The following DEPTOR variants were observed in gnomAD, a reference collection of about 807,000 sequenced individuals.
The protein encoded by DEPTOR is DEP domain containing MTOR interacting protein.
In DEPTOR, 41 loss-of-function variants were observed where a neutral mutation model predicts 41.6. That is an observed-to-expected ratio of 0.98 (90% confidence interval 0.77 to 1.28). The LOEUF (loss-of-function observed/expected upper bound fraction) is 1.28. Ranked by LOEUF, DEPTOR falls within the 50% of genes most tolerant of loss-of-function variation. The probability of loss-of-function intolerance (pLI) is 0.00; values close to 1 mark genes in which losing one functional copy is unlikely to be tolerated. For synonymous variants in DEPTOR, 195 were observed against 192.3 expected (o/e 1.01, Z -0.12); for missense variants, 514 against 527.9 (o/e 0.97, Z 0.26).
At chr8:119,928,692 C>T in intron 2 of DEPTOR, 114 bp downstream of exon 2, 6 of 1,124,716 alleles carry the variant, frequency 5.3e-6, no homozygotes, top group Non-Finnish European at 6.0e-6. Flanking sequence ...TCCAGTGTAC[C>T]TCTCCCTGAT....
Position 119,937,139 on chromosome 8 carries a change from C to T in DEPTOR, c.425+7201C>T, listed in dbSNP as rs1013826572. Among the ~76,000 whole-genome samples the T allele has an allele frequency of 4.6e-5, 7 of 152,200 alleles. No individual in the cohort carries two copies. In the East Asian group the frequency reaches 5.8e-4, roughly 13 times the overall value. On this transcript the variant is annotated intron_variant, in intron 3 of 8. Transcript: ENST00000286234. Reference sequence around the variant, plus strand: ...TAAAAATATTTTCTGGCCGGGCTCACGCCTATAATCCCAGCACTTTGGGAG... The same window carrying T: ...TAAAAATATTTTCTGGCCGGGCTCATGCCTATAATCCCAGCACTTTGGGAG...
chr8:120,019,217 ATCAC>A (rs1812658664), intron 8 of DEPTOR, among the ~76,000 whole-genome samples: 2 of 152,180 alleles, frequency 1.3e-5, no homozygotes, highest in Non-Finnish European at 2.9e-5. Flanking sequence ...AGGCAAGAGA[ATCAC>A]TTGAACCCAG....
intron 3 of DEPTOR, among the ~76,000 whole-genome samples, chr8:119,935,960 T>C (rs963254386): frequency 3.3e-5 from 5 of 150,408 alleles, no homozygotes; most frequent in African/African-American, 9.7e-5. Context: ...TGGAACTAAA[T>C]CCCCTCTTAA....
chr8:119,979,598 TCTC>T (rs1304031391), intron 4 of DEPTOR, among the ~76,000 whole-genome samples: 1 of 152,024 alleles, frequency 6.6e-6, no homozygotes, highest in East Asian at 1.9e-4. Context: ...TTTACTTTTT[TCTC>T]CTCTGAGTGA....
At chr8:119,905,228 C>T (rs1006338804) in intron 1 of DEPTOR, among the ~76,000 whole-genome samples, 4 of 152,124 alleles carry the variant, frequency 2.6e-5, no homozygotes, top group African/African-American at 9.7e-5. Context: ...CATGAGATTC[C>T]AGACAGCTAC....
intron 1 of DEPTOR, among the ~76,000 whole-genome samples, chr8:119,888,898 C>G (rs970011053): frequency 1.4e-5 from 2 of 141,264 alleles, no homozygotes; most frequent in Non-Finnish European, 1.5e-5. Flanking sequence ...TTTGTCTGTT[C>G]ATTTGTATTT....
At position 120,002,978 on chromosome 8, in the gene DEPTOR, G is replaced by C. The variant is rs1183939287; in HGVS notation, c.792G>C (p.Val264=). The change falls in exon 6 of 9, where the codon GTG becomes GTC. Residue 264 remains valine, a splice_region_variant and synonymous_variant. Transcript: ENST00000286234. ...GTGTGTGTTCTCTGGCCTACACAGT[G>C]AGCCCCAGCAAGGAGATCAAGATCG... ...DNRKSTSFMS[V]SPSKEIKIVS... 6.4e-7 allele frequency: 1 copy of C among 1,561,966 alleles called. No homozygotes were observed. The highest frequency in any genetic ancestry group is 1.2e-5 in the South Asian group (1 of 85,180).
chr8:120,044,542 T>A (rs1167823350), intron 8 of DEPTOR, among the ~76,000 whole-genome samples: 2 of 151,998 alleles, frequency 1.3e-5, no homozygotes, highest in Non-Finnish European at 2.9e-5. Context: ...GGAGACAGAG[T>A]CTGACTGGCC....
intron 3 of DEPTOR, among the ~76,000 whole-genome samples, chr8:119,948,753 T>A (rs1422495458): frequency 6.6e-6 from 1 of 152,016 alleles, no homozygotes; most frequent in Non-Finnish European, 1.5e-5. Context: ...CTACTTTCTG[T>A]CTCTATACAT....
intron 4 of DEPTOR, among the ~76,000 whole-genome samples, chr8:119,988,963 T>TC (rs1413843258): frequency 4.3e-5 from 5 of 116,148 alleles, no homozygotes; most frequent in African/African-American, 1.1e-4. Flanking sequence ...TTTTTCTTTT[T>TC]TTTTTTTTTT....
intron 5 of DEPTOR, among the ~76,000 whole-genome samples, chr8:120,002,050 C>T (rs1171470985): frequency 1.3e-5 from 2 of 152,118 alleles, no homozygotes; most frequent in African/African-American, 4.8e-5. Flanking sequence ...GGGAGAATCA[C>T]TTGAGATCAG....
intron 1 of DEPTOR, among the ~76,000 whole-genome samples, chr8:119,926,100 T>TA (rs1396933033): frequency 6.6e-6 from 1 of 152,230 alleles, no homozygotes; most frequent in Non-Finnish European, 1.5e-5. Flanking sequence ...GCTGTTTTTT[T>TA]AAAAAATTAT....
chr8:119,916,390 G>C (rs1210768899), intron 1 of DEPTOR, among the ~76,000 whole-genome samples: 1 of 151,332 alleles, frequency 6.6e-6, no homozygotes, highest in Non-Finnish European at 1.5e-5. Flanking sequence ...CAAAATGCTG[G>C]GATTACAGGC....
chr8:120,014,355 T>A (rs1210375840), intron 8 of DEPTOR, among the ~76,000 whole-genome samples: 1 of 152,172 alleles, frequency 6.6e-6, no homozygotes, highest in African/African-American at 2.4e-5. Flanking sequence ...GAACTGTCTC[T>A]TCTATGTACC....
intron 1 of DEPTOR, among the ~76,000 whole-genome samples, chr8:119,902,636 G>A (rs986372876): frequency 1.3e-5 from 2 of 152,146 alleles, no homozygotes; most frequent in Admixed American, 1.3e-4. Context: ...ACCATGTCTG[G>A]CAGATTTAGG....
At chr8:119,931,980 A>C (rs1277822644) in intron 3 of DEPTOR, among the ~76,000 whole-genome samples, 1 of 146,362 alleles carries the variant, frequency 6.8e-6, no homozygotes, top group Non-Finnish European at 1.5e-5. Flanking sequence ...TATTATTATT[A>C]TTATTATTAT....
At chr8:119,955,824 T>A (rs1045226529) in intron 3 of DEPTOR, among the ~76,000 whole-genome samples, 2 of 152,308 alleles carry the variant, frequency 1.3e-5, no homozygotes, top group African/African-American at 4.8e-5. Flanking sequence ...TTGTACGTGT[T>A]AAATAGGTTA....
chr8:120,012,302 G>A (rs1012972220), intron 8 of DEPTOR, among the ~76,000 whole-genome samples: 10 of 152,112 alleles, frequency 6.6e-5, no homozygotes, highest in Non-Finnish European at 1.3e-4. Flanking sequence ...ATCATGGAGT[G>A]TACTTACACA....
chr8:119,966,891 A>G (rs1267735793), intron 4 of DEPTOR, among the ~76,000 whole-genome samples: 1 of 152,236 alleles, frequency 6.6e-6, no homozygotes, highest in African/African-American at 2.4e-5. Context: ...CTTATGTTCA[A>G]CAAAGTATGG....
Sources: gnomAD v4.1 joint callset for allele counts (sites outside exome capture counted in the v4.1 genomes callset) on GRCh38, gnomAD v4.1.1 for gene constraint, MANE v1.5 for transcripts, NCBI Gene and HGNC (gene_info 2026-07-23, HGNC 2026-07-21) for gene names.